Variants in TFEC observed in about 807,000 individuals in gnomAD.
The protein encoded by TFEC is class E basic helix-loop-helix protein 34.
TFEC carries 31 observed loss-of-function variants against 41.6 expected under a neutral mutation model. The observed-to-expected ratio is 0.74, with a 90% CI of 0.56 to 1.01. The LOEUF is 1.01. TFEC is among the 50% of genes least tolerant of loss of function. TFEC has a pLI of 0.00. For synonymous variants in TFEC, 143 were observed against 140.6 expected (o/e 1.02, Z -0.12); for missense variants, 402 against 404.1 (o/e 0.99, Z 0.04).
intron 3 of TFEC, among the ~76,000 whole-genome samples, chr7:116,045,369 G>A (rs1796139037): frequency 6.6e-6 from 1 of 152,180 alleles, no homozygotes; most frequent in African/African-American, 2.4e-5. Context: ...TAAAGTATCT[G>A]GCAAAAGACA....
intron 1 of TFEC, among the ~76,000 whole-genome samples, chr7:116,129,351 A>G (rs1003317513): frequency 6.1e-4 from 93 of 151,560 alleles, no homozygotes; most frequent in African/African-American, 2.3e-3. Context: ...TTCCTCCCTC[A>G]ATTGACTCAG....
At chr7:116,063,381 C>A (rs1796615529) in intron 3 of TFEC, among the ~76,000 whole-genome samples, 1 of 152,142 alleles carries the variant, frequency 6.6e-6, no homozygotes, top group Non-Finnish European at 1.5e-5. Context: ...CTTTGAGAGG[C>A]TGAGGCAGGT....
intron 1 of TFEC, among the ~76,000 whole-genome samples, chr7:116,001,137 C>A (rs974503367): frequency 1.3e-5 from 2 of 152,032 alleles, no homozygotes; most frequent in African/African-American, 4.8e-5. Context: ...AACCCAGAAA[C>A]AAATCCATAA....
In TFEC at chr7:115,940,507, G is replaced by T; in HGVS notation, c.*44C>A. 6.4e-7 allele frequency: 1 copy of T among 1,557,398 alleles called. No individual in the cohort carries two copies. Among genetic ancestry groups the T allele is most frequent in the Non-Finnish European group, 8.7e-7 (1 of 1,150,174 alleles). ...CACAGAGCATAATTGCATAGCACCAGCATAGAATTGCTTTCCAGTTGATGA... is the reference window on the plus strand; with the variant it reads ...CACAGAGCATAATTGCATAGCACCATCATAGAATTGCTTTCCAGTTGATGA... On this transcript the variant is annotated 3_prime_UTR_variant, in exon 8 of 8. Transcript: ENST00000265440.
chr7:116,004,165 TAAAG>T (rs1012258155), intron 1 of TFEC, among the ~76,000 whole-genome samples: 75 of 151,992 alleles, frequency 4.9e-4, no homozygotes, highest in African/African-American at 1.8e-3. Context: ...AGGAAATCAA[TAAAG>T]AAAGTTAACT....
intron 1 of TFEC, among the ~76,000 whole-genome samples, chr7:116,027,892 G>A (rs914490459): frequency 1.3e-5 from 2 of 152,008 alleles, no homozygotes; most frequent in East Asian, 1.9e-4. Context: ...TTTTTAGATC[G>A]ATTTTCAAAT....
chr7:116,116,326 A>G (rs1293172714), intron 1 of TFEC, among the ~76,000 whole-genome samples: 1 of 151,944 alleles, frequency 6.6e-6, no homozygotes, highest in Non-Finnish European at 1.5e-5. Flanking sequence ...ATATGTGATG[A>G]ACTTTCATGT....
At chr7:116,131,821 T>G (rs1798338903) in intron 1 of TFEC, among the ~76,000 whole-genome samples, 2 of 152,166 alleles carry the variant, frequency 1.3e-5, no homozygotes, top group African/African-American at 2.4e-5. Flanking sequence ...CAATAATGAT[T>G]TACAGTATTA....
intron 1 of TFEC, among the ~76,000 whole-genome samples, chr7:116,004,829 A>G (rs897086799): frequency 4.0e-5 from 6 of 151,654 alleles, no homozygotes; most frequent in Non-Finnish European, 7.4e-5. Flanking sequence ...AGTATTACTG[A>G]TATGATTTGG....
chr7:116,030,737 T>C lies in TFEC; in HGVS notation c.-177A>G. Reference sequence around the variant, plus strand: ...ACCATGCCAGAAGGGACAACCAAAGTAAACGATCTAGCCGTGAGTAATGAA... The same window carrying C: ...ACCATGCCAGAAGGGACAACCAAAGCAAACGATCTAGCCGTGAGTAATGAA... On this transcript the variant is annotated 5_prime_UTR_variant, in exon 1 of 8. Transcript: ENST00000265440. 4 of 985,298 alleles carry C rather than the reference T, an allele frequency of 4.1e-6. No individual in the cohort carries two copies. The highest frequency in any genetic ancestry group is 4.8e-6 in the Non-Finnish European group (4 of 829,910). The allele number at this position is 985,298 out of a possible 1,614,324, so 61.0% of individuals were successfully genotyped here. A position where few individuals can be genotyped will look rare whatever the true frequency, so the allele number is the denominator to read the frequency against.
At chr7:116,057,028 C>T (rs376452470) in intron 3 of TFEC, among the ~76,000 whole-genome samples, 13 of 151,802 alleles carry the variant, frequency 8.6e-5, no homozygotes, top group Admixed American at 5.3e-4. Flanking sequence ...ATGCAAAATA[C>T]GCTGGATGGA....
intron 1 of TFEC, among the ~76,000 whole-genome samples, chr7:116,000,629 C>A (rs1166221229): frequency 6.6e-6 from 1 of 152,068 alleles, no homozygotes; most frequent in Non-Finnish European, 1.5e-5. Flanking sequence ...AAATCAGTAA[C>A]ATTTCTGATT....
chr7:116,021,057 G>C lies in TFEC; in HGVS notation c.-73+9576C>G, dbSNP rs1795376180. 1.3e-5 allele frequency among the ~76,000 whole-genome samples: 2 copies of C among 152,230 alleles called. 1 individual carries two copies. The highest frequency in any genetic ancestry group is 1.3e-4 in the Admixed American group (2 of 15,280). ...AAATCATTCCTTCCATCCTTATGGT[G>C]TTATTTTTGTCTTGCCCAAACCTGG... On this transcript the variant is annotated intron_variant, in intron 1 of 7. Transcript: ENST00000265440.
intron 2 of TFEC, among the ~76,000 whole-genome samples, chr7:115,977,184 G>A (rs1793421668): frequency 6.6e-6 from 1 of 151,982 alleles, no homozygotes; most frequent in Non-Finnish European, 1.5e-5. Flanking sequence ...ACACCATTTT[G>A]TATCAGATGA....
chr7:116,004,133 A>G (rs1794700683), intron 1 of TFEC, among the ~76,000 whole-genome samples: 1 of 152,172 alleles, frequency 6.6e-6, no homozygotes, highest in Non-Finnish European at 1.5e-5. Flanking sequence ...CAATTAAAGA[A>G]GAAATCAATA....
At chr7:116,066,476 T>C (rs1349534241) in intron 3 of TFEC, among the ~76,000 whole-genome samples, 1 of 152,018 alleles carries the variant, frequency 6.6e-6, no homozygotes, top group Non-Finnish European at 1.5e-5. Flanking sequence ...TTTAAAACTA[T>C]CAGGGGTTAT....
At chr7:116,152,089 GT>G (rs1470360144) in intron 1 of TFEC, among the ~76,000 whole-genome samples, 6 of 152,126 alleles carry the variant, frequency 3.9e-5, no homozygotes, top group African/African-American at 1.4e-4. Flanking sequence ...TAATAAAAAA[GT>G]GGTATTTAGG....
chr7:116,093,184 G>A (rs573393359), intron 3 of TFEC, among the ~76,000 whole-genome samples: 166 of 152,164 alleles, frequency 1.1e-3, no homozygotes, highest in African/African-American at 3.6e-3. Context: ...GTAAGAAGAC[G>A]TGACATCCAT....
chr7:115,937,207 G>C lies in TFEC; in HGVS notation c.*3344C>G, dbSNP rs1793272036. 1 of 151,574 alleles carries C rather than the reference G, an allele frequency of 6.6e-6. No homozygotes were observed. The highest frequency in any genetic ancestry group is 2.4e-5 in the African/African-American group (1 of 41,352). 9.4% of individuals were successfully genotyped at this position (151,574 alleles called of 1,614,324 possible). A position where few individuals can be genotyped will look rare whatever the true frequency, so the allele number is the denominator to read the frequency against. On this transcript the variant is annotated 3_prime_UTR_variant, in exon 8 of 8. Transcript: ENST00000265440. Reference sequence around the variant, plus strand: ...ATTATTGTATCTTACTTTAAAGGAAGTTTTATTATAATTGTAATTATGAAT... The same window carrying C: ...ATTATTGTATCTTACTTTAAAGGAACTTTTATTATAATTGTAATTATGAAT...
Sources: allele counts gnomAD v4.1 joint callset (sites outside exome capture counted in the v4.1 genomes callset), GRCh38; gene constraint gnomAD v4.1.1; transcripts MANE v1.5; gene names NCBI Gene and HGNC (gene_info 2026-07-23, HGNC 2026-07-21).